The following EPHB1 variants were observed in gnomAD, a reference collection of about 807,000 sequenced individuals.
The protein encoded by EPHB1 is ephrin type-B receptor 1.
EPHB1 carries 30 observed loss-of-function variants against 94.4 expected under a neutral mutation model. That is an observed-to-expected ratio of 0.32 (90% CI 0.24 to 0.43). EPHB1 has a LOEUF of 0.43. EPHB1 is among the 20% of genes least tolerant of loss of function. EPHB1 has a pLI of 1.00. For synonymous variants in EPHB1, 522 were observed against 489.1 expected (o/e 1.07, Z -0.89); for missense variants, 1,055 against 1,308.3 (o/e 0.81, Z 2.99).
chr3:134,909,115 C>CGGGGGGGGGGGGG (rs1250648426), intron 1 of EPHB1, among the ~76,000 whole-genome samples: 1 of 92,784 alleles, frequency 1.1e-5, no homozygotes, highest in African/African-American at 4.5e-5. Flanking sequence ...AAGGTGGGGG[C>CGGGGGGGGGGGGG]GGGGGGCGGG....
chr3:135,101,560 T>C (rs983032487), intron 3 of EPHB1, among the ~76,000 whole-genome samples: 2 of 151,970 alleles, frequency 1.3e-5, no homozygotes, highest in African/African-American at 4.8e-5. Flanking sequence ...TTTTGTATTT[T>C]TAGTAGAGAC....
At chr3:134,960,325 C>T (rs1364907653) in intron 3 of EPHB1, among the ~76,000 whole-genome samples, 1 of 152,050 alleles carries the variant, frequency 6.6e-6, no homozygotes, top group African/African-American at 2.4e-5. Flanking sequence ...GCCAACAGGT[C>T]TTTGACAGGC....
At chr3:134,858,704 G>A (rs143291737) in intron 1 of EPHB1, among the ~76,000 whole-genome samples, 1 of 152,194 alleles carries the variant, frequency 6.6e-6, no homozygotes, top group Non-Finnish European at 1.5e-5. Flanking sequence ...GGAGCTGGTC[G>A]AATCCACTTA....
At chr3:135,027,374 T>C (rs1317927512) in intron 3 of EPHB1, among the ~76,000 whole-genome samples, 3 of 145,784 alleles carry the variant, frequency 2.1e-5, no homozygotes, top group Non-Finnish European at 3.0e-5. Flanking sequence ...CTCTTATTAT[T>C]TTGAAATACG....
At chr3:135,016,702 C>G (rs990922786) in intron 3 of EPHB1, among the ~76,000 whole-genome samples, 2 of 152,170 alleles carry the variant, frequency 1.3e-5, no homozygotes, top group African/African-American at 4.8e-5. Flanking sequence ...GCCCAGGCTC[C>G]CCTACATGGC....
At chr3:134,955,103 T>TTTTTTTTTTTTTTTTTTTTTTA (rs1559770507) in intron 3 of EPHB1, among the ~76,000 whole-genome samples, 1 of 44,510 alleles carries the variant, frequency 2.2e-5, no homozygotes, top group Non-Finnish European at 4.1e-5. Flanking sequence ...TTTTTTTTTT[T>TTTTTTTTTTTTTTTTTTTTTTA]AATTTTTTTT....
chr3:135,103,719 A>G (rs1204857322), intron 3 of EPHB1, among the ~76,000 whole-genome samples: 1 of 152,136 alleles, frequency 6.6e-6, no homozygotes, highest in Non-Finnish European at 1.5e-5. Context: ...GACCATTTCC[A>G]AATGCTTGTT....
intron 1 of EPHB1, among the ~76,000 whole-genome samples, chr3:134,828,973 T>C (rs62272420): frequency 0.15 from 23,155 of 152,202 alleles, 1,981 homozygotes; most frequent in South Asian, 0.41. Flanking sequence ...GGTTGGGGCC[T>C]TCTGATCACC....
intron 1 of EPHB1, among the ~76,000 whole-genome samples, chr3:134,842,375 C>T (rs2036793233): frequency 6.6e-6 from 1 of 152,188 alleles, no homozygotes; most frequent in South Asian, 2.1e-4. Context: ...AGGAGACCTC[C>T]TTTACACCAG....
rs555527594 is a variant in EPHB1 at position 135,064,955 on chromosome 3, T to A, written c.806-41493T>A. On this transcript the variant is annotated intron_variant, in intron 3 of 15. Transcript: ENST00000398015. ...TTTTTAATTTCTATCTTGATTTTGT[T>A]TTTGACCCAATGCTCATTCAGGACA... Among the ~76,000 whole-genome samples the A allele has an allele frequency of 4.6e-5, 7 of 152,304 alleles. No homozygotes were observed. The East Asian group carries it at 9.6e-4, about 21-fold the overall frequency.
chr3:134,833,922 C>T (rs62272426), intron 1 of EPHB1, among the ~76,000 whole-genome samples: 6,472 of 152,228 alleles, frequency 0.043, 248 homozygotes, highest in South Asian at 0.2. Flanking sequence ...GAGATAGTTA[C>T]GGAGGCCCCC....
At chr3:134,974,568 T>TCC (rs1934108682) in intron 3 of EPHB1, among the ~76,000 whole-genome samples, 1 of 148,278 alleles carries the variant, frequency 6.7e-6, no homozygotes, top group Non-Finnish European at 1.5e-5. Flanking sequence ...TCCCCACCCC[T>TCC]GCCCCACCTC....
intron 3 of EPHB1, among the ~76,000 whole-genome samples, chr3:134,965,776 T>A (rs917193425): frequency 6.6e-6 from 1 of 152,056 alleles, no homozygotes; most frequent in African/African-American, 2.4e-5. Context: ...TTGAGGACCT[T>A]CTGCAGCCCT....
chr3:135,103,162 AT>A (rs1939093887), intron 3 of EPHB1, among the ~76,000 whole-genome samples: 1 of 152,172 alleles, frequency 6.6e-6, no homozygotes, highest in South Asian at 2.1e-4. Flanking sequence ...AGAAAAAAAA[AT>A]CTTTAATAAA....
intron 1 of EPHB1, among the ~76,000 whole-genome samples, chr3:134,820,564 A>G (rs902172578): frequency 1.3e-5 from 2 of 152,194 alleles, no homozygotes; most frequent in African/African-American, 2.4e-5. Flanking sequence ...GCACAAAACT[A>G]TTAATATTAT....
intron 12 of EPHB1, among the ~76,000 whole-genome samples, chr3:135,236,716 G>T (rs1368692120): frequency 3.9e-5 from 6 of 152,126 alleles, no homozygotes; most frequent in Non-Finnish European, 7.3e-5. Flanking sequence ...AATATTTGGT[G>T]AACAAGTCCA....
chr3:134,927,064 A>G (rs1269926387), intron 2 of EPHB1, among the ~76,000 whole-genome samples: 1 of 152,148 alleles, frequency 6.6e-6, no homozygotes, highest in Non-Finnish European at 1.5e-5. Flanking sequence ...CATCCCAGCC[A>G]GTGGGTGATG....
At chr3:135,086,107 C>G (rs1938351372) in intron 3 of EPHB1, among the ~76,000 whole-genome samples, 1 of 152,088 alleles carries the variant, frequency 6.6e-6, no homozygotes, top group South Asian at 2.1e-4. Flanking sequence ...TTGTTCTACT[C>G]CACACAAAAG....
chr3:134,944,743 GT>G (rs1252000168), intron 2 of EPHB1, among the ~76,000 whole-genome samples: 1 of 147,218 alleles, frequency 6.8e-6, no homozygotes, highest in Non-Finnish European at 1.5e-5. Flanking sequence ...TGATAACTTT[GT>G]GTGTACCTAA....
Sources: allele counts gnomAD v4.1 joint callset (sites outside exome capture counted in the v4.1 genomes callset), GRCh38; gene constraint gnomAD v4.1.1; transcripts MANE v1.5; gene names NCBI Gene and HGNC (gene_info 2026-07-23, HGNC 2026-07-21).